IREB2: variants seen among roughly 807,000 people sequenced by gnomAD.
IREB2 encodes the protein iron responsive element binding protein 2, also known as iron-responsive element-binding protein 2.
In IREB2, 39 loss-of-function variants were observed where a neutral mutation model predicts 118.8. That is an observed-to-expected ratio of 0.33 (90% CI 0.25 to 0.43). The LOEUF (loss-of-function observed/expected upper bound fraction) is 0.43. Among genes scored for constraint, IREB2 ranks in the 20% least tolerant of loss-of-function variants. IREB2 has a pLI of 1.00. For missense variants in IREB2, 900 were observed against 1,147.3 expected (o/e 0.78, Z 3.11); for synonymous variants, 372 against 392.2 (o/e 0.95, Z 0.61).
intron 8 of IREB2, chr15:78,473,617 G>T: frequency 2.3e-6 from 1 of 443,130 alleles, no homozygotes; most frequent in Non-Finnish European, 4.0e-6. Context: ...CTTATAACAA[G>T]CCTGTGAGAT....
intron 16 of IREB2, 111 bp from the exon 17 acceptor site, chr15:78,490,305 TTTGTTG>T (rs1037790424): frequency 3.4e-6 from 2 of 588,836 alleles, no homozygotes; most frequent in East Asian, 5.6e-5. Flanking sequence ...AAGGCCTATT[TTTGTTG>T]TTGTTGTTGT....
At chr15:78,456,601 G>A (rs1393580356) in intron 2 of IREB2, among the ~76,000 whole-genome samples, 3 of 152,000 alleles carry the variant, frequency 2.0e-5, no homozygotes, top group Admixed American at 2.0e-4. Flanking sequence ...AGGAGGTCAA[G>A]GGTGTAGTGA....
At chr15:78,488,396 T>C (rs762613151) in intron 15 of IREB2, 60 bp downstream of exon 15, 39 of 1,384,790 alleles carry the variant, frequency 2.8e-5, no homozygotes, top group Admixed American at 2.5e-4. Context: ...GAAGTCGTTA[T>C]ATTTTTGAAA....
chr15:78,461,884 C>T (rs2051203205), intron 2 of IREB2, among the ~76,000 whole-genome samples: 1 of 152,110 alleles, frequency 6.6e-6, no homozygotes, highest in Non-Finnish European at 1.5e-5. Flanking sequence ...ATATAGTTTT[C>T]TTTCTTTGTG....
At chr15:78,460,413 T>C (rs2051176772) in intron 2 of IREB2, among the ~76,000 whole-genome samples, 1 of 151,956 alleles carries the variant, frequency 6.6e-6, no homozygotes, top group South Asian at 2.1e-4. Context: ...CAATGAAAGG[T>C]TTTTTAAGAG....
chr15:78,448,336 G>T (rs965833616), intron 2 of IREB2, among the ~76,000 whole-genome samples: 1 of 151,976 alleles, frequency 6.6e-6, no homozygotes, highest in Admixed American at 6.6e-5. Flanking sequence ...GTAGAGATGC[G>T]GTTTCACCAT....
chr15:78,497,943 G>C (rs1342601637), intron 21 of IREB2, 90 bp from the exon 22 acceptor site: 3 of 699,888 alleles, frequency 4.3e-6, no homozygotes, highest in Non-Finnish European at 7.6e-6. Flanking sequence ...GGCAAGTATA[G>C]TCATTAAATA....
chr15:78,485,493 G>T lies in IREB2; in HGVS notation c.1574-212G>T, dbSNP rs1199613793. Among the ~76,000 whole-genome samples the T allele has an allele frequency of 1.4e-4, 21 of 152,182 alleles. 1 individual carries two copies. Among genetic ancestry groups the T allele is most frequent in the Admixed American group, 1.4e-3 (21 of 15,280 alleles). ...TACTCTGTGTGAATGATGTCAGCCT[G>T]TATCTTAATAATTTTCAACATAAAG... is the stretch of plus-strand genomic sequence containing the variant. On this transcript the variant is annotated intron_variant, in intron 12 of 21. Coordinates refer to ENST00000258886, the MANE Select transcript of IREB2 (RefSeq NM_004136.4).
chr15:78,454,191 C>T (rs1180040163), intron 2 of IREB2, among the ~76,000 whole-genome samples: 1 of 152,184 alleles, frequency 6.6e-6, no homozygotes. Context: ...TCCTAAGTAT[C>T]TATCCAAGAA....
chr15:78,479,204 C>G (rs11072766), intron 10 of IREB2, among the ~76,000 whole-genome samples: 1 of 151,894 alleles, frequency 6.6e-6, no homozygotes, highest in Non-Finnish European at 1.5e-5. Flanking sequence ...AGGGGATTCT[C>G]TAGTCTTGGC....
intron 2 of IREB2, among the ~76,000 whole-genome samples, chr15:78,447,605 A>G (rs1360329141): frequency 6.6e-6 from 1 of 152,002 alleles, no homozygotes; most frequent in Non-Finnish European, 1.5e-5. Context: ...TGCTGGGAGT[A>G]CAGGCGTGAG....
chr15:78,484,220 T>C (rs1416016941), intron 11 of IREB2, among the ~76,000 whole-genome samples: 1 of 152,194 alleles, frequency 6.6e-6, no homozygotes, highest in East Asian at 1.9e-4. Flanking sequence ...TACTTGGCTT[T>C]CCTTTCAGAG....
rs957647690 is a variant in IREB2 at position 78,501,320 on chromosome 15, G to A, written c.*3177G>A. On this transcript the variant is annotated 3_prime_UTR_variant, in exon 22 of 22. Transcript: ENST00000258886. ...TCTATTATTTAAAGCCAACAAAACA[G>A]TGTAACAGTTTTAAGTTCAATAATG... The A allele has an allele frequency of 1.3e-5, 2 of 152,550 alleles. No individual in the cohort carries two copies. The highest frequency in any genetic ancestry group is 2.9e-5 in the Non-Finnish European group (2 of 68,022). The allele number at this position is 152,550 out of a possible 1,614,324, so 9.4% of individuals were successfully genotyped here. A position where few individuals can be genotyped will look rare whatever the true frequency, so the allele number is the denominator to read the frequency against.
At chr15:78,496,423 T>A in intron 20 of IREB2, among the ~76,000 whole-genome samples, 1 of 152,018 alleles carries the variant, frequency 6.6e-6, no homozygotes. Flanking sequence ...TGCACCACCA[T>A]GTCCAGCTAA....
In IREB2 at chr15:78,466,280, GA is replaced by G; in HGVS notation, c.422del (p.Asn141MetfsTer43). The G allele has an allele frequency of 6.2e-7, 1 of 1,610,752 alleles. No homozygotes were observed. The highest frequency in any genetic ancestry group is 8.5e-7 in the Non-Finnish European group (1 of 1,177,254). On this transcript the variant is annotated frameshift_variant, in exon 5 of 22. Transcript: ENST00000258886. LOFTEE classifies it high-confidence loss of function. Reference sequence around the variant, plus strand: ...CTTTTTGGAATGACAGTGCAATACAGAATGCACCAAATCCTGGAGGTGGTGA... The same window carrying G: ...CTTTTTGGAATGACAGTGCAATACAGATGCACCAAATCCTGGAGGTGGTGA... The part of the protein sequence containing the change: ...QIDFSKCAIQ[N>X]APNPGGGDLQ...
At chr15:78,451,478 A>G (rs950200775) in intron 2 of IREB2, among the ~76,000 whole-genome samples, 6 of 152,176 alleles carry the variant, frequency 3.9e-5, no homozygotes, top group Admixed American at 2.0e-4. Context: ...TGTCACACAG[A>G]ATATTAAGAC....
rs1423437869 is a variant in IREB2, at chr15:78,476,106, A to AT, written c.1024-78dup. ...TCACCATCACTAGTATTGGTTAAAA[A>AT]TTTTATTTTATAGTTTTCAGACAAT... On this transcript the variant is annotated intron_variant, in intron 8 of 21. Transcript: ENST00000258886. 6 of 1,087,584 alleles carry AT rather than the reference A, an allele frequency of 5.5e-6. No individual in the cohort carries two copies. In the Admixed American group the frequency reaches 1.4e-4, roughly 25 times the overall value. 67.4% of individuals were successfully genotyped at this position (1,087,584 alleles called of 1,614,324 possible).
chr15:78,483,004 G>A (rs1396580277), intron 10 of IREB2, among the ~76,000 whole-genome samples: 1 of 152,122 alleles, frequency 6.6e-6, no homozygotes, highest in Non-Finnish European at 1.5e-5. Flanking sequence ...CTCCCAGAGT[G>A]CTGGGATTAC....
In IREB2 at chr15:78,463,515, T is replaced by G. The variant is rs1163401444; in HGVS notation, c.272+428T>G. ...GTGTTTTTTTGTTTTGTTTTGTTTT[T>G]GTTTGTTTTTTTAAGGTTAGTTTAT... On this transcript the variant is annotated intron_variant, in intron 3 of 21. Transcript: ENST00000258886. Among the ~76,000 whole-genome samples the G allele has an allele frequency of 2.0e-5, 3 of 152,148 alleles. No individual in the cohort carries two copies. In the East Asian group the frequency reaches 5.8e-4, roughly 29 times the overall value.
Sources: gnomAD v4.1 joint callset for allele counts (sites outside exome capture counted in the v4.1 genomes callset) on GRCh38, gnomAD v4.1.1 for gene constraint, MANE v1.5 for transcripts, NCBI Gene and HGNC (gene_info 2026-07-23, HGNC 2026-07-21) for gene names.